Variants in LBR observed in about 807,000 individuals in gnomAD.
The protein encoded by LBR is lamin B receptor.
Under a neutral mutation model 74.3 loss-of-function variants are expected in LBR, and 28 were observed. That is an observed-to-expected ratio of 0.38 (90% CI 0.28 to 0.52). The LOEUF (loss-of-function observed/expected upper bound fraction) is 0.52. LBR is among the 20% of genes least tolerant of loss of function. LBR has a pLI of 0.89. For missense variants in LBR, 717 were observed against 760.3 expected (o/e 0.94, Z 0.67); for synonymous variants, 228 against 269.3 (o/e 0.85, Z 1.50).
At chr1:225,426,778 A>C (rs1364325484) in intron 1 of LBR, among the ~76,000 whole-genome samples, 1 of 152,170 alleles carries the variant, frequency 6.6e-6, no homozygotes, top group Non-Finnish European at 1.5e-5. Context: ...CCTTTGCTTC[A>C]TGAAGCAACA....
intron 6 of LBR, 90 bp downstream of exon 6, chr1:225,417,894 G>T: frequency 8.5e-7 from 1 of 1,177,870 alleles, no homozygotes; most frequent in Non-Finnish European, 1.2e-6. Flanking sequence ...GCGGCAAGAG[G>T]ATCACTTGAT....
Position 225,404,011 on chromosome 1 carries a change from T to C in LBR, c.1687+393A>G, listed in dbSNP as rs2096086453. ...GCTCCCACAGCTCTCCCTGCTCCCC[T>C]GCTTTCCCAGCTCCCCACGAGGCCA... On this transcript the variant is annotated intron_variant, in intron 13 of 13. Transcript: ENST00000272163. 3.4e-5 allele frequency among the ~76,000 whole-genome samples: 5 copies of C among 148,096 alleles called. No individual in the cohort carries two copies. The South Asian group carries it at 1.1e-3, about 33-fold the overall frequency.
At position 225,403,264 on chromosome 1, in the gene LBR, G is replaced by A. The variant is rs756770029; in HGVS notation, c.*39C>T. On this transcript the variant is annotated 3_prime_UTR_variant, in exon 14 of 14. Coordinates refer to ENST00000272163, the MANE Select transcript of LBR (RefSeq NM_002296.4). ...TTCCTTGTTTTTGCAAATGGCAGCT[G>A]GAATTGCAGGAGTATTTTGTAGAAA... 1.6e-5 allele frequency: 25 copies of A among 1,595,450 alleles called. No homozygotes were observed. In the Admixed American group the frequency reaches 3.8e-4, roughly 24 times the overall value.
At chr1:225,410,179 G>A in intron 10 of LBR, 112 bp downstream of exon 10, 3 of 1,519,144 alleles carry the variant, frequency 2.0e-6, no homozygotes, top group South Asian at 2.3e-5. Context: ...AAGCAGCCTT[G>A]GAGGCAGGCC....
chr1:225,425,644 A>G (rs1383894960), intron 1 of LBR, among the ~76,000 whole-genome samples: 1 of 152,170 alleles, frequency 6.6e-6, no homozygotes, highest in Non-Finnish European at 1.5e-5. Context: ...TTTAGCTCAG[A>G]GCCTCCAAGT....
chr1:225,423,654 A>C (rs2096132797), intron 2 of LBR, among the ~76,000 whole-genome samples: 1 of 152,202 alleles, frequency 6.6e-6, no homozygotes. Context: ...AGCAAACTCC[A>C]GACACAGAAC....
Position 225,403,236 on chromosome 1 carries a change from T to C in LBR, c.*67A>G. 2.0e-6 allele frequency: 3 copies of C among 1,527,678 alleles called. No homozygotes were observed. Among genetic ancestry groups the C allele is most frequent in the Non-Finnish European group, 2.7e-6 (3 of 1,101,682 alleles). 94.6% of individuals were successfully genotyped at this position (1,527,678 alleles called of 1,614,324 possible). A position where few individuals can be genotyped will look rare whatever the true frequency, so the allele number is the denominator to read the frequency against. ...GTGCAACAAAAGAAAGTTTCGGATT[T>C]TTTTCCTTGTTTTTGCAAATGGCAG... On this transcript the variant is annotated 3_prime_UTR_variant, in exon 14 of 14. Transcript: ENST00000272163.
chr1:225,404,636 T>C lies in LBR; in HGVS notation c.1554A>G (p.Pro518=). 3 of 1,610,204 alleles carry C rather than the reference T, an allele frequency of 1.9e-6. No homozygotes were observed. Among genetic ancestry groups the C allele is most frequent in the Non-Finnish European group, 2.5e-6 (3 of 1,177,962 alleles). ...TAAATCAATACTTACGTGCAAGCTT[T>C]GGATCACTGGGATTTTTCCGGAATG... The part of the protein sequence containing the change: ...KNAFRKNPSD[P]KLAHLKTIHT... The change falls in exon 12 of 14, where the codon CCA becomes CCG. Residue 518 remains proline (P), a synonymous_variant. Transcript: ENST00000272163.
At chr1:225,419,674 A>G (rs1485876251) in intron 4 of LBR, 41 bp downstream of exon 4, 7 of 1,083,932 alleles carry the variant, frequency 6.5e-6, no homozygotes, top group Admixed American at 2.3e-5. Flanking sequence ...CAAAAAAAAG[A>G]AAAAAAAAAA....
intron 10 of LBR, among the ~76,000 whole-genome samples, chr1:225,409,382 C>CA (rs2096099730): frequency 6.6e-6 from 1 of 152,332 alleles, no homozygotes; most frequent in African/African-American, 2.4e-5. Flanking sequence ...ATGTTCTCTG[C>CA]AATTTTGCAT....
At chr1:225,415,847 T>C (rs1201919289) in intron 6 of LBR, among the ~76,000 whole-genome samples, 1 of 152,048 alleles carries the variant, frequency 6.6e-6, no homozygotes, top group African/African-American at 2.4e-5. Context: ...CTGCTATATA[T>C]TATATATATA....
chr1:225,407,108 A>C (rs534665627), intron 10 of LBR, among the ~76,000 whole-genome samples: 2 of 152,062 alleles, frequency 1.3e-5, no homozygotes, highest in East Asian at 3.9e-4. Flanking sequence ...CTCTGCTGAC[A>C]ACCCCTCCTC....
intron 7 of LBR, chr1:225,414,064 A>C: frequency 2.2e-6 from 1 of 456,776 alleles, no homozygotes; most frequent in South Asian, 1.5e-5. Flanking sequence ...GTGGTAAGTG[A>C]ACCACCAGAG....
At chr1:225,422,458 C>T in intron 2 of LBR, 181 bp from the exon 3 acceptor site, 2 of 630,810 alleles carry the variant, frequency 3.2e-6, no homozygotes, top group East Asian at 5.6e-5. Context: ...TCATAATGAT[C>T]CATCTTTCAT....
intron 3 of LBR, among the ~76,000 whole-genome samples, chr1:225,421,544 A>C (rs990121521): frequency 6.6e-6 from 1 of 152,254 alleles, no homozygotes; most frequent in African/African-American, 2.4e-5. Context: ...AGTGAATAGA[A>C]GATTACTTTT....
chr1:225,412,769 A>C, intron 7 of LBR, 124 bp from the exon 8 acceptor site: 1 of 828,124 alleles, frequency 1.2e-6, no homozygotes, highest in African/African-American at 1.7e-5. Context: ...ATTCAGACTA[A>C]ATACACACAA....
rs2096122868 is a variant in LBR, at chr1:225,419,166, C to T, written c.640+97G>A. 3 of 1,166,902 alleles carry T rather than the reference C, an allele frequency of 2.6e-6. No individual in the cohort carries two copies. The Admixed American group carries it at 5.2e-5, about 20-fold the overall frequency. 72.3% of individuals were successfully genotyped at this position (1,166,902 alleles called of 1,614,324 possible). On this transcript the variant is annotated intron_variant, in intron 5 of 13. Coordinates refer to ENST00000272163, the MANE Select transcript of LBR (RefSeq NM_002296.4). ...CCCACCAGGCTCATTACCTTGCCTG[C>T]CTCAGATGTCTTCAGAGAGGCCTTT...
rs945169365 is a variant in LBR, at chr1:225,421,318, C to T, written c.366+759G>A. ...ACCATCCTGGCTAACACGGTGAAAC[C>T]CTGTCTCTACTAAAAATACAAAAAA... On this transcript the variant is annotated intron_variant, in intron 3 of 13. Coordinates refer to ENST00000272163, the MANE Select transcript of LBR (RefSeq NM_002296.4). Among the ~76,000 whole-genome samples, 4 of 152,332 alleles carry T rather than the reference C, an allele frequency of 2.6e-5. No individual in the cohort carries two copies. In the South Asian group the frequency reaches 8.3e-4, roughly 32 times the overall value.
chr1:225,422,519 A>G lies in LBR; in HGVS notation c.166-242T>C, dbSNP rs76624718. 5,064 of 531,464 alleles carry G rather than the reference A, an allele frequency of 9.5e-3. 41 individuals carry two copies. The highest frequency in any genetic ancestry group is 0.015 in the South Asian group (746 of 48,772). 32.9% of individuals were successfully genotyped at this position (531,464 alleles called of 1,614,324 possible). The stretch of plus-strand genomic sequence containing the variant: ...TGTTCTTTGAAGGTATTTCCATGAA[A>G]CGAATGTATCTAAACCAATTAGCTG... On this transcript the variant is annotated intron_variant, in intron 2 of 13. Coordinates refer to ENST00000272163, the MANE Select transcript of LBR (RefSeq NM_002296.4).
Sources: allele counts gnomAD v4.1 joint callset (sites outside exome capture counted in the v4.1 genomes callset), GRCh38; gene constraint gnomAD v4.1.1; transcripts MANE v1.5; gene names NCBI Gene and HGNC (gene_info 2026-07-23, HGNC 2026-07-21).